GRIP1: variants seen among roughly 807,000 people sequenced by gnomAD.
GRIP1 encodes the protein glutamate receptor-interacting protein 1.
GRIP1 carries 45 observed loss-of-function variants against 129.9 expected under a neutral mutation model. That is an observed-to-expected ratio of 0.35 (90% CI 0.27 to 0.44). GRIP1 has a LOEUF of 0.44. Ranked by LOEUF, GRIP1 falls within the 20% of genes least tolerant of loss-of-function variation. The probability of loss-of-function intolerance (pLI) is 1.00; values close to 1 mark genes in which losing one functional copy is unlikely to be tolerated. For synonymous variants in GRIP1, 530 were observed against 520.8 expected (o/e 1.02, Z -0.24); for missense variants, 1,196 against 1,396.8 (o/e 0.86, Z 2.29).
chr12:66,406,062 A>G (rs1054725021), intron 16 of GRIP1, among the ~76,000 whole-genome samples: 2 of 152,188 alleles, frequency 1.3e-5, no homozygotes, highest in African/African-American at 4.8e-5. Flanking sequence ...CAATTATAAT[A>G]TGTTTTCTAT....
chr12:66,409,641 A>G (rs1352879912), intron 15 of GRIP1, among the ~76,000 whole-genome samples: 1 of 152,250 alleles, frequency 6.6e-6, no homozygotes, highest in Non-Finnish European at 1.5e-5. Context: ...ACCAATGAAC[A>G]TCCATGAGCA....
intron 11 of GRIP1, among the ~76,000 whole-genome samples, chr12:66,453,836 A>C (rs2058876710): frequency 6.6e-6 from 1 of 152,200 alleles, no homozygotes; most frequent in Admixed American, 6.5e-5. Flanking sequence ...CTGGGATGGA[A>C]CCCAGGTAGC....
chr12:66,411,461 A>G (rs2057399999), intron 15 of GRIP1, among the ~76,000 whole-genome samples: 3 of 152,194 alleles, frequency 2.0e-5, no homozygotes, highest in African/African-American at 7.2e-5. Flanking sequence ...GACCCCACAA[A>G]AACTCCATTC....
intron 7 of GRIP1, among the ~76,000 whole-genome samples, chr12:66,514,472 A>G (rs1428278577): frequency 1.3e-5 from 2 of 152,172 alleles, no homozygotes; most frequent in Admixed American, 6.6e-5. Context: ...AGTTGAAAAC[A>G]GAACCCAAAT....
intron 1 of GRIP1, among the ~76,000 whole-genome samples, chr12:67,045,988 G>C (rs1455383383): frequency 1.3e-5 from 2 of 152,138 alleles, no homozygotes; most frequent in African/African-American, 4.8e-5. Flanking sequence ...CCCAATTTGG[G>C]GGTGCAAATT....
chr12:66,669,446 G>A (rs1159842452), intron 1 of GRIP1, among the ~76,000 whole-genome samples: 1 of 152,024 alleles, frequency 6.6e-6, no homozygotes, highest in Non-Finnish European at 1.5e-5. Flanking sequence ...GATACTTATT[G>A]GGCATTTTCT....
chr12:66,406,554 A>G (rs558231671), intron 15 of GRIP1, 126 bp from the exon 16 acceptor site: 7 of 910,974 alleles, frequency 7.7e-6, no homozygotes, highest in Non-Finnish European at 1.3e-5. Context: ...CTGTTTTTAA[A>G]TTGTACTTCA....
chr12:66,917,106 T>G (rs1038169885), intron 1 of GRIP1, among the ~76,000 whole-genome samples: 13 of 152,234 alleles, frequency 8.5e-5, no homozygotes, highest in Admixed American at 2.6e-4. Context: ...GAGGGTTTTC[T>G]CCGTCTACCA....
chr12:66,885,087 TTAGC>T (rs1467823613), intron 1 of GRIP1, among the ~76,000 whole-genome samples: 1 of 152,154 alleles, frequency 6.6e-6, no homozygotes, highest in Admixed American at 6.5e-5. Context: ...ATTTCTCCAA[TTAGC>T]CTGGTGGATC....
chr12:66,933,596 G>T (rs2041435987), intron 1 of GRIP1, among the ~76,000 whole-genome samples: 1 of 151,982 alleles, frequency 6.6e-6, no homozygotes. Flanking sequence ...ATTTTTCTAG[G>T]CTCTAAGGAC....
At chr12:67,012,170 G>A (rs1000950391) in intron 1 of GRIP1, among the ~76,000 whole-genome samples, 1 of 152,164 alleles carries the variant, frequency 6.6e-6, no homozygotes, top group African/African-American at 2.4e-5. Context: ...GGATCAATAA[G>A]TACAAGCTGT....
chr12:67,010,821 C>G (rs187457686), intron 1 of GRIP1, among the ~76,000 whole-genome samples: 61 of 152,072 alleles, frequency 4.0e-4, no homozygotes, highest in African/African-American at 1.0e-3. Flanking sequence ...CTGTCTCCCC[C>G]CCAGCGCAGG....
intron 1 of GRIP1, among the ~76,000 whole-genome samples, chr12:66,870,071 C>A (rs1566058891): frequency 6.6e-6 from 1 of 152,018 alleles, no homozygotes; most frequent in Non-Finnish European, 1.5e-5. Flanking sequence ...ATTGTGACAA[C>A]CAAAAATATC....
chr12:66,820,373 G>C (rs2039296336), intron 1 of GRIP1, among the ~76,000 whole-genome samples: 1 of 152,198 alleles, frequency 6.6e-6, no homozygotes, highest in Admixed American at 6.5e-5. Flanking sequence ...TGAGGATGTG[G>C]AGCAGCAGGA....
chr12:66,814,443 T>A (rs1398718675), intron 1 of GRIP1, among the ~76,000 whole-genome samples: 2 of 152,292 alleles, frequency 1.3e-5, no homozygotes, highest in East Asian at 1.9e-4. Context: ...AATTATCTGC[T>A]TATTTAACTG....
intron 19 of GRIP1, among the ~76,000 whole-genome samples, chr12:66,384,396 C>T (rs1399418621): frequency 2.6e-5 from 4 of 152,126 alleles, no homozygotes; most frequent in African/African-American, 9.7e-5. Context: ...CTAGTGTTAT[C>T]AAGATACCAA....
chr12:67,060,388 T>C (rs7138249), intron 1 of GRIP1, among the ~76,000 whole-genome samples: 118,091 of 152,196 alleles, frequency 0.78, 47,440 homozygotes, highest in South Asian at 0.89. Flanking sequence ...TGTTGTTAAT[T>C]TGCATATAAC....
At position 66,349,184 on chromosome 12, in the gene GRIP1, G is replaced by A. The variant is rs558365010; in HGVS notation, c.3222C>T (p.Ser1074=). Residue 1074 remains serine (S), a synonymous_variant, in exon 25 of 25, where the codon TCC becomes TCT. Coordinates refer to ENST00000359742, the MANE Select transcript of GRIP1 (RefSeq NM_001366722.1). ...CCLVVPLIAE[S]GNKLDLVISR... ...TAATAACCAGGTCCAGCTTATTCCCGGATTCTGCTATGAGGGGCACAACAA... is the reference window on the plus strand; with the variant it reads ...TAATAACCAGGTCCAGCTTATTCCCAGATTCTGCTATGAGGGGCACAACAA... 6.7e-5 allele frequency: 108 copies of A among 1,614,066 alleles called. 1 individual carries two copies. In the East Asian group the frequency reaches 1.7e-3, roughly 26 times the overall value.
At chr12:66,988,520 C>T (rs1313868367) in intron 1 of GRIP1, among the ~76,000 whole-genome samples, 1 of 152,052 alleles carries the variant, frequency 6.6e-6, no homozygotes, top group East Asian at 1.9e-4. Context: ...GCTAGGACTA[C>T]AGGCATGCAC....
Sources: allele counts gnomAD v4.1 joint callset (sites outside exome capture counted in the v4.1 genomes callset), GRCh38; gene constraint gnomAD v4.1.1; transcripts MANE v1.5; gene names NCBI Gene and HGNC (gene_info 2026-07-23, HGNC 2026-07-21).